The following COL22A1 variants were observed in gnomAD, a reference collection of about 807,000 sequenced individuals.
The protein encoded by COL22A1 is collagen alpha-1(XXII) chain.
In COL22A1, 221 loss-of-function variants were observed where a neutral mutation model predicts 248.9. That is an observed-to-expected ratio of 0.89 (90% confidence interval 0.80 to 0.99). The LOEUF is 0.99. Ranked by LOEUF, COL22A1 falls within the 50% of genes least tolerant of loss-of-function variation. The probability of loss-of-function intolerance (pLI) is 0.00; values close to 1 mark genes in which losing one functional copy is unlikely to be tolerated. For synonymous variants in COL22A1, 891 were observed against 793.4 expected (o/e 1.12, Z -2.07); for missense variants, 2,240 against 2,179.0 (o/e 1.03, Z -0.56).
chr8:138,739,611 T>C (rs1481893226), intron 22 of COL22A1, among the ~76,000 whole-genome samples: 1 of 152,224 alleles, frequency 6.6e-6, no homozygotes, highest in Admixed American at 6.5e-5. Flanking sequence ...TTTTGTTTGA[T>C]GCTATATACT....
intron 12 of COL22A1, among the ~76,000 whole-genome samples, chr8:138,793,722 T>A (rs1345366291): frequency 1.3e-5 from 2 of 152,184 alleles, no homozygotes; most frequent in African/African-American, 4.8e-5. Flanking sequence ...GTAGGACTCC[T>A]GGCACCAGAA....
intron 23 of COL22A1, among the ~76,000 whole-genome samples, chr8:138,726,316 A>C (rs373304983): frequency 2.0e-5 from 3 of 151,724 alleles, no homozygotes; most frequent in African/African-American, 7.3e-5. Context: ...AAATAGCAAG[A>C]CCCTATCTCC....
chr8:138,811,401 A>C (rs552417697), intron 9 of COL22A1, among the ~76,000 whole-genome samples: 1 of 152,138 alleles, frequency 6.6e-6, no homozygotes, highest in Non-Finnish European at 1.5e-5. Flanking sequence ...ATGATAGTGA[A>C]TGGTTAATCA....
At chr8:138,844,026 T>G (rs145179567) in intron 4 of COL22A1, 58 bp downstream of exon 4, 8 of 1,481,428 alleles carry the variant, frequency 5.4e-6, no homozygotes, top group Non-Finnish European at 7.6e-6. Flanking sequence ...AGGGTCATGC[T>G]CAGGCTCAGC....
chr8:138,660,923 CACAGACACACAG>C (rs1564158459), intron 43 of COL22A1, among the ~76,000 whole-genome samples: 3 of 118,978 alleles, frequency 2.5e-5, no homozygotes, highest in African/African-American at 1.3e-4. Flanking sequence ...CAGACACACA[CACAGACACACAG>C]ACACACACAT....
intron 3 of COL22A1, among the ~76,000 whole-genome samples, chr8:138,862,555 GTGT>G (rs1822564231): frequency 6.6e-6 from 1 of 152,102 alleles, no homozygotes; most frequent in Non-Finnish European, 1.5e-5. Flanking sequence ...CCCTCCCACT[GTGT>G]TTATGTCCTA....
intron 7 of COL22A1, among the ~76,000 whole-genome samples, chr8:138,818,986 C>T (rs1371569523): frequency 1.3e-5 from 2 of 152,132 alleles, no homozygotes; most frequent in East Asian, 3.9e-4. Context: ...CAGTGGCTGG[C>T]ATGTGAGCTG....
In COL22A1 at chr8:138,671,232, C is replaced by T. The variant is rs1453419203; in HGVS notation, c.3150+5326G>A. ...TGAATGCATAAAATATAGAGAGATA[C>T]TAGTCTGTTGTATCATTTAGTATCA... On this transcript the variant is annotated intron_variant, in intron 41 of 64. Coordinates refer to ENST00000303045, the MANE Select transcript of COL22A1 (RefSeq NM_152888.3). 4.6e-5 allele frequency among the ~76,000 whole-genome samples: 7 copies of T among 152,128 alleles called. No individual in the cohort carries two copies. The South Asian group carries it at 6.2e-4, about 14-fold the overall frequency.
intron 57 of COL22A1, 60 bp from the exon 58 acceptor site, chr8:138,606,512 G>A (rs549346455): frequency 3.2e-5 from 49 of 1,514,468 alleles, no homozygotes; most frequent in South Asian, 2.8e-4. Context: ...AAGCAGATTT[G>A]GAAACCTTGT....
Position 138,902,080 on chromosome 8 carries a change from G to A in COL22A1, c.-73+11539C>T, listed in dbSNP as rs184934047. ...GCTGTGAAGGATGCTGCAGGCACAGGGGAGGAAGAGGCATGGGGGAGTTCC... is the reference window on the plus strand; with the variant it reads ...GCTGTGAAGGATGCTGCAGGCACAGAGGAGGAAGAGGCATGGGGGAGTTCC... On this transcript the variant is annotated intron_variant, in intron 1 of 64. Transcript: ENST00000303045. Among the ~76,000 whole-genome samples the A allele has an allele frequency of 1.9e-3, 288 of 152,288 alleles. 3 individuals are homozygous for A. Among genetic ancestry groups the A allele is most frequent in the African/African-American group, 5.9e-3 (247 of 41,562 alleles).
chr8:138,756,733 T>A (rs1355408054), intron 18 of COL22A1, among the ~76,000 whole-genome samples: 1 of 152,108 alleles, frequency 6.6e-6, no homozygotes, highest in Non-Finnish European at 1.5e-5. Flanking sequence ...AGACACACGC[T>A]CACTGCCTTG....
At chr8:138,634,092 A>T (rs1184837139) in intron 49 of COL22A1, among the ~76,000 whole-genome samples, 1 of 152,192 alleles carries the variant, frequency 6.6e-6, no homozygotes, top group Non-Finnish European at 1.5e-5. Context: ...CTTTCATCGG[A>T]TTTTATTGAA....
At chr8:138,636,005 T>C (rs138360844) in intron 48 of COL22A1, among the ~76,000 whole-genome samples, 124 of 152,100 alleles carry the variant, frequency 8.2e-4, no homozygotes, top group African/African-American at 2.9e-3. Context: ...TGGCATGGAA[T>C]TGGCTGACAA....
chr8:138,756,445 C>T (rs1833011844), intron 18 of COL22A1, among the ~76,000 whole-genome samples: 1 of 152,016 alleles, frequency 6.6e-6, no homozygotes, highest in Non-Finnish European at 1.5e-5. Flanking sequence ...ACAACTTGGT[C>T]CTAAATGAAG....
chr8:138,904,620 C>G (rs1248001638), intron 1 of COL22A1, among the ~76,000 whole-genome samples: 1 of 151,780 alleles, frequency 6.6e-6, no homozygotes, highest in African/African-American at 2.4e-5. Flanking sequence ...TTTTTTCTCT[C>G]CCCCCACCAG....
At chr8:138,842,834 A>G (rs1010152543) in intron 4 of COL22A1, among the ~76,000 whole-genome samples, 1 of 152,212 alleles carries the variant, frequency 6.6e-6, no homozygotes, top group Non-Finnish European at 1.5e-5. Flanking sequence ...GGCACCAGCT[A>G]CGCAGCAGGT....
intron 32 of COL22A1, among the ~76,000 whole-genome samples, chr8:138,698,772 C>A (rs560237162): frequency 6.6e-6 from 1 of 150,612 alleles, no homozygotes; most frequent in African/African-American, 2.5e-5. Flanking sequence ...CAGTAAGTAC[C>A]CGCCCTGCAG....
chr8:138,788,046 C>T (rs115320052), intron 12 of COL22A1, among the ~76,000 whole-genome samples: 3,374 of 152,260 alleles, frequency 0.022, 99 homozygotes, highest in African/African-American at 0.073. Flanking sequence ...TACTAATATT[C>T]TTCATCCATT....
At chr8:138,878,605 T>C (rs1823937672) in intron 2 of COL22A1, among the ~76,000 whole-genome samples, 2 of 152,230 alleles carry the variant, frequency 1.3e-5, no homozygotes, top group South Asian at 4.1e-4. Flanking sequence ...CCTCAATCTC[T>C]TCACTTTTAT....
Sources: gnomAD v4.1 joint callset for allele counts (sites outside exome capture counted in the v4.1 genomes callset) on GRCh38, gnomAD v4.1.1 for gene constraint, MANE v1.5 for transcripts, NCBI Gene and HGNC (gene_info 2026-07-23, HGNC 2026-07-21) for gene names.